CAMK1D: variants seen among roughly 807,000 people sequenced by gnomAD.
The protein encoded by CAMK1D is calcium/calmodulin-dependent protein kinase type 1D.
Under a neutral mutation model 47.7 loss-of-function variants are expected in CAMK1D, and 9 were observed. That is an observed-to-expected ratio of 0.19 (90% CI 0.11 to 0.33). The LOEUF (loss-of-function observed/expected upper bound fraction) is 0.33, where lower values mean the gene tolerates loss of function less well. Ranked by LOEUF, CAMK1D falls within the 10% of genes least tolerant of loss-of-function variation. CAMK1D has a pLI of 1.00. For missense variants in CAMK1D, 291 were observed against 488.7 expected (o/e 0.60, Z 3.81); for synonymous variants, 184 against 184.9 (o/e 0.99, Z 0.04).
intron 5 of CAMK1D, among the ~76,000 whole-genome samples, chr10:12,786,913 A>G (rs554384213): frequency 2.0e-5 from 3 of 152,360 alleles, no homozygotes; most frequent in Admixed American, 6.5e-5. Flanking sequence ...ACCTGAGGTC[A>G]GGAGTTAGAG....
intron 2 of CAMK1D, among the ~76,000 whole-genome samples, chr10:12,604,988 A>G (rs1838409208): frequency 2.0e-5 from 3 of 151,942 alleles, no homozygotes; most frequent in Admixed American, 6.6e-5. Flanking sequence ...CCTGGGTTCA[A>G]GTGATTCTCC....
chr10:12,473,996 T>A (rs1164169169), intron 1 of CAMK1D, among the ~76,000 whole-genome samples: 1 of 152,144 alleles, frequency 6.6e-6, no homozygotes, highest in Non-Finnish European at 1.5e-5. Flanking sequence ...ACAAAACTAA[T>A]GGCATTTAAT....
At chr10:12,542,544 G>C (rs1480837890) in intron 1 of CAMK1D, among the ~76,000 whole-genome samples, 13 of 152,120 alleles carry the variant, frequency 8.5e-5, no homozygotes, top group African/African-American at 3.1e-4. Flanking sequence ...GAATCAAAAA[G>C]ACAGCTCCCA....
intron 3 of CAMK1D, among the ~76,000 whole-genome samples, chr10:12,740,939 T>A (rs917955161): frequency 6.6e-6 from 1 of 152,164 alleles, no homozygotes; most frequent in African/African-American, 2.4e-5. Flanking sequence ...AAGTTTTGAA[T>A]GAGATTTGGA....
At chr10:12,554,220 C>T (rs1412913499) in intron 2 of CAMK1D, among the ~76,000 whole-genome samples, 3 of 72,012 alleles carry the variant, frequency 4.2e-5, no homozygotes, top group African/African-American at 1.0e-4. Flanking sequence ...TACAATGGCG[C>T]AATCTCAGCT....
chr10:12,542,895 G>A (rs868545820), intron 1 of CAMK1D, among the ~76,000 whole-genome samples: 6 of 151,994 alleles, frequency 3.9e-5, no homozygotes, highest in Middle Eastern at 3.4e-3. Context: ...ACAGGCATGC[G>A]CCACCATGCC....
chr10:12,657,398 C>G (rs937252118), intron 2 of CAMK1D, among the ~76,000 whole-genome samples: 2 of 145,898 alleles, frequency 1.4e-5, no homozygotes, highest in African/African-American at 5.0e-5. Context: ...GCACTCCAGC[C>G]TAGTGATGGA....
chr10:12,687,228 T>C (rs1832701847), intron 3 of CAMK1D, among the ~76,000 whole-genome samples: 1 of 152,030 alleles, frequency 6.6e-6, no homozygotes, highest in Admixed American at 6.6e-5. Context: ...CAATTTATGT[T>C]GATTCAGGAC....
At chr10:12,468,269 G>A (rs971732214) in intron 1 of CAMK1D, among the ~76,000 whole-genome samples, 1 of 152,128 alleles carries the variant, frequency 6.6e-6, no homozygotes, top group Non-Finnish European at 1.5e-5. Context: ...TGTTGCCCAG[G>A]CTGGCTCATC....
At chr10:12,538,564 C>A (rs1836054669) in intron 1 of CAMK1D, among the ~76,000 whole-genome samples, 1 of 152,164 alleles carries the variant, frequency 6.6e-6, no homozygotes, top group South Asian at 2.1e-4. Context: ...GGTTTAGATA[C>A]ATTTCCAGAA....
chr10:12,613,715 C>T (rs1428689843), intron 2 of CAMK1D, among the ~76,000 whole-genome samples: 3 of 152,144 alleles, frequency 2.0e-5, no homozygotes, highest in African/African-American at 4.8e-5. Context: ...CCTGACCTCA[C>T]GATCCACCTG....
chr10:12,452,748 G>A (rs542988448), intron 1 of CAMK1D, among the ~76,000 whole-genome samples: 10 of 152,042 alleles, frequency 6.6e-5, no homozygotes, highest in African/African-American at 2.4e-4. Flanking sequence ...ACTATGCCTG[G>A]CTAATTTTTT....
chr10:12,431,148 C>T (rs1488615323), intron 1 of CAMK1D, among the ~76,000 whole-genome samples: 1 of 152,158 alleles, frequency 6.6e-6, no homozygotes, highest in East Asian at 1.9e-4. Flanking sequence ...ATGCTTTCTC[C>T]ACCTTGTTCT....
intron 2 of CAMK1D, among the ~76,000 whole-genome samples, chr10:12,623,690 C>T (rs1035127822): frequency 2.0e-5 from 3 of 151,724 alleles, no homozygotes; most frequent in Non-Finnish European, 4.4e-5. Flanking sequence ...CTGAGTGACA[C>T]ACATTTTACA....
intron 3 of CAMK1D, among the ~76,000 whole-genome samples, chr10:12,716,903 A>G (rs1431987966): frequency 6.6e-6 from 1 of 152,142 alleles, no homozygotes; most frequent in Non-Finnish European, 1.5e-5. Flanking sequence ...GGAGCAAGGG[A>G]AAGCGTGAAC....
chr10:12,564,151 C>CTCTG (rs768005206), intron 2 of CAMK1D, among the ~76,000 whole-genome samples: 2 of 47,120 alleles, frequency 4.2e-5, no homozygotes, highest in Non-Finnish European at 1.3e-4. Context: ...CTCTCTGTCT[C>CTCTG]TCTCTCTCTC....
intron 1 of CAMK1D, among the ~76,000 whole-genome samples, chr10:12,489,323 A>G (rs1007411933): frequency 6.6e-6 from 1 of 152,184 alleles, no homozygotes; most frequent in African/African-American, 2.4e-5. Context: ...GGGCCTGAGA[A>G]CATGTGCTTA....
At chr10:12,420,303 T>C (rs1321964916) in intron 1 of CAMK1D, among the ~76,000 whole-genome samples, 3 of 152,248 alleles carry the variant, frequency 2.0e-5, no homozygotes, top group African/African-American at 7.2e-5. Flanking sequence ...GTGATAGAGC[T>C]GGTGGCAGCT....
intron 1 of CAMK1D, among the ~76,000 whole-genome samples, chr10:12,409,971 G>A (rs1839599061): frequency 6.6e-6 from 1 of 152,014 alleles, no homozygotes; most frequent in Non-Finnish European, 1.5e-5. Flanking sequence ...TTTTGTGCCC[G>A]ACCTCTTTCA....
Sources: gnomAD v4.1 joint callset for allele counts (sites outside exome capture counted in the v4.1 genomes callset) on GRCh38, gnomAD v4.1.1 for gene constraint, MANE v1.5 for transcripts, NCBI Gene and HGNC (gene_info 2026-07-23, HGNC 2026-07-21) for gene names.